PGR: variants seen among roughly 807,000 people sequenced by gnomAD.
PGR encodes progesterone receptor.
Under a neutral mutation model 76.1 loss-of-function variants are expected in PGR, and 25 were observed. The observed-to-expected ratio is 0.33, with a 90% CI of 0.24 to 0.46. PGR has a LOEUF of 0.46. Ranked by LOEUF, PGR falls within the 20% of genes least tolerant of loss-of-function variation. The probability of loss-of-function intolerance (pLI) is 1.00; values close to 1 mark genes in which losing one functional copy is unlikely to be tolerated. For missense variants in PGR, 1,172 were observed against 1,225.3 expected (o/e 0.96, Z 0.65); for synonymous variants, 579 against 535.0 (o/e 1.08, Z -1.14).
chr11:101,069,268 T>C (rs1217845), intron 3 of PGR, among the ~76,000 whole-genome samples: 1 of 152,030 alleles, frequency 6.6e-6, no homozygotes, highest in African/African-American at 2.4e-5. Flanking sequence ...AAAGCTCATC[T>C]TCACTGGTCA....
chr11:101,056,537 G>A lies in PGR; in HGVS notation c.2213-4969C>T, dbSNP rs548749576. 3.3e-5 allele frequency among the ~76,000 whole-genome samples: 5 copies of A among 151,820 alleles called. No homozygotes were observed. The East Asian group carries it at 9.8e-4, about 30-fold the overall frequency. ...CTGGGGAGGCTGAAGTTACTGGGGAGGCTGAAGCAGGACGATGGCTTGAGC... is the reference window on the plus strand; with the variant it reads ...CTGGGGAGGCTGAAGTTACTGGGGAAGCTGAAGCAGGACGATGGCTTGAGC... On this transcript the variant is annotated intron_variant, in intron 4 of 7. Coordinates refer to ENST00000325455, the MANE Select transcript of PGR (RefSeq NM_000926.4).
chr11:101,030,156 A>AC lies in PGR; in HGVS notation c.*8959_*8960insG. ...ACCTACTACTTACTCAAAATAGGGT[A>AC]GTAGCATTAATAACTAAATAGGGCG... On this transcript the variant is annotated 3_prime_UTR_variant, in exon 8 of 8. Coordinates refer to ENST00000325455, the MANE Select transcript of PGR (RefSeq NM_000926.4). 4.6e-6 allele frequency: 1 copy of AC among 219,736 alleles called. No individual in the cohort carries two copies. The highest frequency in any genetic ancestry group is 9.1e-6 in the Non-Finnish European group (1 of 109,724). The allele number at this position is 219,736 out of a possible 1,614,324, so 13.6% of individuals were successfully genotyped here.
At chr11:101,098,035 T>C (rs759722590) in intron 2 of PGR, among the ~76,000 whole-genome samples, 3 of 152,048 alleles carry the variant, frequency 2.0e-5, no homozygotes, top group Non-Finnish European at 4.4e-5. Context: ...CTCGGCCTCC[T>C]GAAGTGCTGA....
chr11:101,058,694 C>T lies in PGR; in HGVS notation c.2212+3753G>A, dbSNP rs144146518. Among the ~76,000 whole-genome samples the T allele has an allele frequency of 6.6e-3, 1,009 of 152,220 alleles. 12 individuals carry two copies. The highest frequency in any genetic ancestry group is 0.023 in the African/African-American group (952 of 41,522). On this transcript the variant is annotated intron_variant, in intron 4 of 7. Coordinates refer to ENST00000325455, the MANE Select transcript of PGR (RefSeq NM_000926.4). Reference sequence around the variant, plus strand: ...CTCTGTCACATCAATTTCACTGCAACGTATTGATGTACAGGATGAGGACAA... The same window carrying T: ...CTCTGTCACATCAATTTCACTGCAATGTATTGATGTACAGGATGAGGACAA...
chr11:101,129,253 C>G lies in PGR; in HGVS notation c.-183G>C, dbSNP rs1863023666. The G allele has an allele frequency of 5.6e-6, 3 of 531,144 alleles. No individual in the cohort carries two copies. In the South Asian group the frequency reaches 8.4e-5, roughly 15 times the overall value. The allele number at this position is 531,144 out of a possible 1,614,324, so 32.9% of individuals were successfully genotyped here. On this transcript the variant is annotated 5_prime_UTR_variant, in exon 1 of 8. Coordinates refer to ENST00000325455, the MANE Select transcript of PGR (RefSeq NM_000926.4). ...AGGGCGGCGCTGGTCAGCTCCTGCC[C>G]TTGGCCTCCATCCTGTCGTCAGGGG...
In PGR at chr11:101,129,358, C is replaced by T. The variant is rs1050600612; in HGVS notation, c.-288G>A. Reference sequence around the variant, plus strand: ...TAGTAATTGTTAGGAGATCTCGTCTCCTAACTCGGGGAGTTCTCCAAGAGA... The same window carrying T: ...TAGTAATTGTTAGGAGATCTCGTCTTCTAACTCGGGGAGTTCTCCAAGAGA... On this transcript the variant is annotated 5_prime_UTR_variant, in exon 1 of 8. Coordinates refer to ENST00000325455, the MANE Select transcript of PGR (RefSeq NM_000926.4). 7.5e-6 allele frequency: 3 copies of T among 401,692 alleles called. No homozygotes were observed. Among genetic ancestry groups the T allele is most frequent in the Non-Finnish European group, 1.3e-5 (3 of 224,600 alleles). 24.9% of individuals were successfully genotyped at this position (401,692 alleles called of 1,614,324 possible).
At chr11:101,047,397 C>T (rs1478797063) in intron 6 of PGR, among the ~76,000 whole-genome samples, 3 of 152,118 alleles carry the variant, frequency 2.0e-5, no homozygotes, top group African/African-American at 7.2e-5. Context: ...TAAATGTATT[C>T]CAGTTGACTC....
chr11:101,095,457 G>A (rs1288444711), intron 2 of PGR, among the ~76,000 whole-genome samples: 1 of 152,170 alleles, frequency 6.6e-6, no homozygotes, highest in African/African-American at 2.4e-5. Flanking sequence ...ATGAGCTATT[G>A]ACATATATTA....
chr11:101,080,504 A>C lies in PGR; in HGVS notation c.1906+11256T>G, dbSNP rs1216631973. ...GAAAAACTACTACCCACATGAAAATAAGTACAAAAATTTGAAGTGCCAATG... is the reference window on the plus strand; with the variant it reads ...GAAAAACTACTACCCACATGAAAATCAGTACAAAAATTTGAAGTGCCAATG... On this transcript the variant is annotated intron_variant, in intron 3 of 7. Coordinates refer to ENST00000325455, the MANE Select transcript of PGR (RefSeq NM_000926.4). Among the ~76,000 whole-genome samples the C allele has an allele frequency of 2.0e-5, 3 of 151,914 alleles. No individual in the cohort carries two copies. The East Asian group carries it at 5.8e-4, about 29-fold the overall frequency.
intron 2 of PGR, among the ~76,000 whole-genome samples, chr11:101,106,903 A>C (rs113634223): frequency 6.6e-6 from 1 of 152,228 alleles, no homozygotes; most frequent in Non-Finnish European, 1.5e-5. Context: ...GAATGAGTTC[A>C]TGTTCTTCGC....
At chr11:101,114,374 G>A (rs1372244869) in intron 2 of PGR, among the ~76,000 whole-genome samples, 3 of 152,144 alleles carry the variant, frequency 2.0e-5, no homozygotes, top group Non-Finnish European at 4.4e-5. Context: ...ATAAGCAGAC[G>A]ACTAAATGAA....
intron 5 of PGR, among the ~76,000 whole-genome samples, chr11:101,050,553 A>G (rs1236780902): frequency 6.6e-6 from 1 of 152,140 alleles, no homozygotes; most frequent in African/African-American, 2.4e-5. Flanking sequence ...GAAAAGAGTA[A>G]AAGAGGACAT....
chr11:101,109,545 C>G (rs1333218692), intron 2 of PGR, among the ~76,000 whole-genome samples: 2 of 152,160 alleles, frequency 1.3e-5, no homozygotes, highest in Non-Finnish European at 1.5e-5. Context: ...GGCCATAATT[C>G]TCTTCAATTC....
At chr11:101,048,791 C>T (rs1182581844) in intron 6 of PGR, among the ~76,000 whole-genome samples, 1 of 152,024 alleles carries the variant, frequency 6.6e-6, no homozygotes. Context: ...ATTTTTATTT[C>T]TTTTATAATA....
chr11:101,087,351 A>G (rs1457956603), intron 3 of PGR, among the ~76,000 whole-genome samples: 1 of 152,208 alleles, frequency 6.6e-6, no homozygotes, highest in Non-Finnish European at 1.5e-5. Flanking sequence ...TTATTCAATA[A>G]ATGGTGCTGG....
At chr11:101,054,955 G>T (rs184201795) in intron 4 of PGR, among the ~76,000 whole-genome samples, 139 of 152,010 alleles carry the variant, frequency 9.1e-4, no homozygotes, top group South Asian at 7.3e-3. Flanking sequence ...AAAAGTGTTA[G>T]GAGGCATTTT....
chr11:101,093,964 CAA>C (rs955545755), intron 2 of PGR, among the ~76,000 whole-genome samples: 1 of 152,304 alleles, frequency 6.6e-6, no homozygotes, highest in African/African-American at 2.4e-5. Context: ...TTCAGTGTCT[CAA>C]AGAGTCCTCC....
intron 3 of PGR, among the ~76,000 whole-genome samples, chr11:101,077,747 T>A (rs775322445): frequency 3.3e-5 from 5 of 152,164 alleles, no homozygotes; most frequent in African/African-American, 4.8e-5. Context: ...ACAACCAGAC[T>A]GATGAGAAGG....
At chr11:101,100,605 CCA>C (rs10682415) in intron 2 of PGR, among the ~76,000 whole-genome samples, 22,727 of 147,330 alleles carry the variant, frequency 0.15, 1,779 homozygotes, top group Non-Finnish European at 0.17. Flanking sequence ...TATTTTGAAT[CCA>C]CACACACACA....
Sources: gnomAD v4.1 joint callset for allele counts (sites outside exome capture counted in the v4.1 genomes callset) on GRCh38, gnomAD v4.1.1 for gene constraint, MANE v1.5 for transcripts, NCBI Gene and HGNC (gene_info 2026-07-23, HGNC 2026-07-21) for gene names.